The following SAMD8 variants were observed in gnomAD, a reference collection of about 807,000 sequenced individuals.
The protein encoded by SAMD8 is sphingomyelin synthase-related protein 1.
Under a neutral mutation model 42.0 loss-of-function variants are expected in SAMD8, and 20 were observed. The ratio of observed to expected loss-of-function variants is 0.48; its 90% confidence interval spans 0.34 to 0.69. The LOEUF (loss-of-function observed/expected upper bound fraction) is 0.69. Ranked by LOEUF, SAMD8 falls within the 30% of genes least tolerant of loss-of-function variation. The pLI, the probability that SAMD8 is intolerant of heterozygous loss-of-function variation, is 0.01. For synonymous variants in SAMD8, 162 were observed against 173.0 expected (o/e 0.94, Z 0.50); for missense variants, 328 against 511.6 (o/e 0.64, Z 3.46).
intron 1 of SAMD8, among the ~76,000 whole-genome samples, chr10:75,141,501 A>G (rs531748998): frequency 6.7e-6 from 1 of 150,300 alleles, no homozygotes; most frequent in East Asian, 2.0e-4. Context: ...CAGCAAATAG[A>G]GTTTTATTTC....
rs1472436997 is a variant in SAMD8, at chr10:75,177,907, T to A, written c.*1215T>A. On this transcript the variant is annotated 3_prime_UTR_variant, in exon 6 of 6. Transcript: ENST00000542569. Reference sequence around the variant, plus strand: ...ATTTGTTACTTTATTTTTAATGATTTTTTTACAGTAGTTATGACAGTAGGA... The same window carrying A: ...ATTTGTTACTTTATTTTTAATGATTATTTTACAGTAGTTATGACAGTAGGA... 2.0e-5 allele frequency: 3 copies of A among 152,258 alleles called. No individual in the cohort carries two copies. The highest frequency in any genetic ancestry group is 4.4e-5 in the Non-Finnish European group (3 of 68,038). 9.4% of individuals were successfully genotyped at this position (152,258 alleles called of 1,614,324 possible).
At chr10:75,104,856 G>T (rs1411104773) in intron 1 of SAMD8, among the ~76,000 whole-genome samples, 1 of 151,966 alleles carries the variant, frequency 6.6e-6, no homozygotes, top group Non-Finnish European at 1.5e-5. Context: ...GCTTGGGCTG[G>T]CTATGCCTTC....
chr10:75,164,718 G>C lies in SAMD8; in HGVS notation c.652G>C (p.Val218Leu). 6.2e-7 allele frequency: 1 copy of C among 1,613,638 alleles called. No individual in the cohort carries two copies. The highest frequency in any genetic ancestry group is 8.5e-7 in the Non-Finnish European group (1 of 1,179,680). Residue 218 changes from valine to leucine, a missense_variant, in exon 3 of 6, where the codon GTT (valine) becomes CTT (leucine). Physicochemically the swap from Val to Leu is conservative, Grantham distance 32 (BLOSUM62 1). Transcript: ENST00000542569. ...GATTCTGTGCTATATTTGGCTCCTGGTTCTTCTTCTTCACAAGCACAGGTA... is the reference window on the plus strand; with the variant it reads ...GATTCTGTGCTATATTTGGCTCCTGCTTCTTCTTCTTCACAAGCACAGGTA... ...GMILCYIWLL[V>L]LLLHKHRSIL...
chr10:75,115,873 G>A (rs1007317863), intron 1 of SAMD8, among the ~76,000 whole-genome samples: 2 of 151,096 alleles, frequency 1.3e-5, no homozygotes, highest in East Asian at 2.0e-4. Flanking sequence ...CCCGAGAGGC[G>A]GAGCTTGCAG....
chr10:75,115,364 C>T (rs1234901771), intron 1 of SAMD8, among the ~76,000 whole-genome samples: 2 of 152,094 alleles, frequency 1.3e-5, no homozygotes, highest in African/African-American at 4.8e-5. Flanking sequence ...TTTTCTTGGC[C>T]TTGAGAAATC....
intron 1 of SAMD8, 69 bp from the exon 2 acceptor site, chr10:75,150,445 G>A (rs1314998981): frequency 6.6e-7 from 1 of 1,519,944 alleles, no homozygotes; most frequent in African/African-American, 1.4e-5. Flanking sequence ...ATTTATGTGT[G>A]TTTGTCTTTG....
intron 1 of SAMD8, 42 bp downstream of exon 1, chr10:75,111,764 C>T (rs1848774968): frequency 1.6e-6 from 2 of 1,232,414 alleles, no homozygotes; most frequent in Non-Finnish European, 2.0e-6. Context: ...GCTTGGGGGG[C>T]GCCTGCTGCC....
At chr10:75,108,959 C>A, upstream of SAMD8, 1 of 1,549,052 alleles carries the variant, frequency 6.5e-7, no homozygotes, top group Non-Finnish European at 8.7e-7. Context: ...CGACCAAGAA[C>A]TGCCTCTCCA....
intron 2 of SAMD8, among the ~76,000 whole-genome samples, chr10:75,154,959 C>T (rs1840377323): frequency 6.6e-6 from 1 of 152,108 alleles, no homozygotes; most frequent in Non-Finnish European, 1.5e-5. Context: ...GTGGTGCATT[C>T]ATAGATCACT....
rs546206722 is a variant in SAMD8 at position 75,177,738 on chromosome 10, C to A, written c.*1046C>A. 3 of 152,236 alleles carry A rather than the reference C, an allele frequency of 2.0e-5. No homozygotes were observed. The South Asian group carries it at 6.2e-4, about 32-fold the overall frequency. The allele number at this position is 152,236 out of a possible 1,614,324, so 9.4% of individuals were successfully genotyped here. On this transcript the variant is annotated 3_prime_UTR_variant, in exon 6 of 6. Coordinates refer to ENST00000542569, the MANE Select transcript of SAMD8 (RefSeq NM_001174156.2). Reference sequence around the variant, plus strand: ...GACATACTTGGATATGAAAAAGTTTCGTTGTTTTTTACTTTTAAATATAAT... The same window carrying A: ...GACATACTTGGATATGAAAAAGTTTAGTTGTTTTTTACTTTTAAATATAAT...
At chr10:75,152,297 C>T (rs1419003562) in intron 2 of SAMD8, among the ~76,000 whole-genome samples, 5 of 142,642 alleles carry the variant, frequency 3.5e-5, no homozygotes, top group South Asian at 2.2e-4. Flanking sequence ...CCGAGGCGGG[C>T]GGATCACGAG....
At chr10:75,114,481 T>G (rs1039411172) in intron 1 of SAMD8, among the ~76,000 whole-genome samples, 1 of 152,234 alleles carries the variant, frequency 6.6e-6, no homozygotes, top group Non-Finnish European at 1.5e-5. Context: ...GCACAGTTGC[T>G]TATAAACATT....
At position 75,105,771 on chromosome 10, in the gene SAMD8, C is replaced by T. The variant is rs559605382; in HGVS notation, c.-16+6043C>T. Reference sequence around the variant, plus strand: ...ATCGGTGCTGCCTCACGGTGATCACCGCCTGGCGCAGGGACAGCCGCTGGT... The same window carrying T: ...ATCGGTGCTGCCTCACGGTGATCACTGCCTGGCGCAGGGACAGCCGCTGGT... On this transcript the variant is annotated intron_variant, in intron 1 of 3. Coordinates refer to the SAMD8 transcript ENST00000447533. 371 of 1,551,942 alleles carry T rather than the reference C, an allele frequency of 2.4e-4. 3 individuals are homozygous for T. The South Asian group carries it at 3.8e-3, about 16-fold the overall frequency.
chr10:75,126,405 A>T (rs974983405), intron 1 of SAMD8, among the ~76,000 whole-genome samples: 2 of 151,742 alleles, frequency 1.3e-5, no homozygotes, highest in African/African-American at 4.8e-5. Context: ...ATTCATTTGG[A>T]TGAATGCCAC....
At chr10:75,108,708 G>A (rs1373621505), upstream of SAMD8, among the ~76,000 whole-genome samples, 1 of 152,168 alleles carries the variant, frequency 6.6e-6, no homozygotes, top group Non-Finnish European at 1.5e-5. Context: ...CTTATCTCAT[G>A]CCCCAAATAC....
intron 2 of SAMD8, among the ~76,000 whole-genome samples, chr10:75,157,988 C>T (rs1840455830): frequency 6.6e-6 from 1 of 151,138 alleles, no homozygotes; most frequent in African/African-American, 2.4e-5. Flanking sequence ...GGAGAAACCG[C>T]ATCTCTACTA....
upstream of SAMD8, chr10:75,111,571 GC>G: frequency 8.0e-7 from 1 of 1,249,368 alleles, no homozygotes; most frequent in Admixed American, 4.1e-5. Context: ...AGTCGCCACC[GC>G]CCCCGCCTCC....
chr10:75,109,048 C>A, upstream of SAMD8: 2 of 1,611,542 alleles, frequency 1.2e-6, no homozygotes, highest in East Asian at 2.2e-5. Context: ...TTCGTCCACA[C>A]GGCTGCAAGA....
At chr10:75,135,276 A>T (rs1193881462) in intron 1 of SAMD8, among the ~76,000 whole-genome samples, 1 of 149,788 alleles carries the variant, frequency 6.7e-6, no homozygotes, top group African/African-American at 2.5e-5. Flanking sequence ...AACATGGAGA[A>T]ACTCCGTCTC....
Sources: gnomAD v4.1 joint callset for allele counts (sites outside exome capture counted in the v4.1 genomes callset) on GRCh38, gnomAD v4.1.1 for gene constraint, MANE v1.5 for transcripts, NCBI Gene and HGNC (gene_info 2026-07-23, HGNC 2026-07-21) for gene names.